PTPRM: variants seen among roughly 807,000 people sequenced by gnomAD.
PTPRM encodes the protein receptor-type tyrosine-protein phosphatase mu.
In PTPRM, 47 loss-of-function variants were observed where a neutral mutation model predicts 186.7. That is an observed-to-expected ratio of 0.25 (90% CI 0.20 to 0.32). The LOEUF is 0.32. Ranked by LOEUF, PTPRM falls within the 10% of genes least tolerant of loss-of-function variation. PTPRM has a pLI of 1.00. For missense variants in PTPRM, 1,494 were observed against 1,865.0 expected (o/e 0.80, Z 3.66); for synonymous variants, 668 against 674.9 (o/e 0.99, Z 0.16).
At chr18:8,296,308 C>A in intron 19 of PTPRM, 60 bp from the exon 20 acceptor site, 1 of 1,062,680 alleles carries the variant, frequency 9.4e-7, no homozygotes, top group South Asian at 1.3e-5. Flanking sequence ...CATCCTCCAT[C>A]GTTAAGATCC....
intron 1 of PTPRM, among the ~76,000 whole-genome samples, chr18:7,606,196 G>C (rs1487947340): frequency 1.3e-5 from 2 of 152,068 alleles, no homozygotes; most frequent in African/African-American, 4.8e-5. Context: ...CTCGTGAATA[G>C]TTTAAAGCTA....
At chr18:8,267,601 A>G (rs891743818) in intron 19 of PTPRM, among the ~76,000 whole-genome samples, 2 of 152,186 alleles carry the variant, frequency 1.3e-5, no homozygotes, top group South Asian at 2.1e-4. Flanking sequence ...ACTGCTATAA[A>G]TAACTCTTAA....
chr18:8,294,748 G>A (rs1330515535), intron 19 of PTPRM, among the ~76,000 whole-genome samples: 9 of 152,186 alleles, frequency 5.9e-5, no homozygotes, highest in East Asian at 1.9e-4. Context: ...CTATGATCAC[G>A]ACTAAGGGAC....
chr18:7,636,377 G>T (rs1393220683), intron 1 of PTPRM, among the ~76,000 whole-genome samples: 2 of 152,152 alleles, frequency 1.3e-5, no homozygotes, highest in Admixed American at 6.6e-5. Flanking sequence ...GCCATTTTCA[G>T]ATCTATGAGT....
intron 14 of PTPRM, among the ~76,000 whole-genome samples, chr18:8,205,049 A>G (rs1462955647): frequency 6.6e-6 from 1 of 152,236 alleles, no homozygotes; most frequent in African/African-American, 2.4e-5. Context: ...TTGTGTGGCT[A>G]AATGATTTCA....
chr18:7,892,729 T>C, intron 3 of PTPRM, among the ~76,000 whole-genome samples: 1 of 152,202 alleles, frequency 6.6e-6, no homozygotes, highest in Non-Finnish European at 1.5e-5. Context: ...CTCACATTTC[T>C]AGTTTGAGAA....
chr18:7,688,166 T>C (rs1475830350), intron 1 of PTPRM, among the ~76,000 whole-genome samples: 1 of 152,180 alleles, frequency 6.6e-6, no homozygotes, highest in Non-Finnish European at 1.5e-5. Context: ...CACTCTCACG[T>C]ATCTGCTAGT....
chr18:8,196,283 G>T (rs2093776964), intron 14 of PTPRM, among the ~76,000 whole-genome samples: 1 of 152,180 alleles, frequency 6.6e-6, no homozygotes, highest in East Asian at 1.9e-4. Flanking sequence ...ATCAGGAAAA[G>T]GTCATCACTA....
intron 13 of PTPRM, chr18:8,122,060 A>G (rs1451707387): frequency 6.6e-6 from 1 of 152,230 alleles, no homozygotes; most frequent in Non-Finnish European, 1.5e-5. Flanking sequence ...AAGGGAAAAG[A>G]ATTCAGAATA....
intron 14 of PTPRM, among the ~76,000 whole-genome samples, chr18:8,238,686 C>A (rs1186573446): frequency 1.7e-5 from 1 of 57,536 alleles, no homozygotes; most frequent in African/African-American, 6.1e-5. Context: ...TTTTTTTTTG[C>A]GAAGCTACAC....
At chr18:7,899,260 G>C (rs1599373001) in intron 3 of PTPRM, among the ~76,000 whole-genome samples, 1 of 152,170 alleles carries the variant, frequency 6.6e-6, no homozygotes, top group African/African-American at 2.4e-5. Flanking sequence ...CTGAAACAAG[G>C]CGACAGAACA....
chr18:8,277,175 G>A (rs1028113279), intron 19 of PTPRM, among the ~76,000 whole-genome samples: 1 of 152,098 alleles, frequency 6.6e-6, no homozygotes, highest in Non-Finnish European at 1.5e-5. Context: ...GGCCTCAAGT[G>A]AGCCACCCAT....
chr18:7,774,116 A>G, intron 1 of PTPRM, 33 bp from the exon 2 acceptor site: 1 of 1,585,474 alleles, frequency 6.3e-7, no homozygotes. Context: ...TCTGGTTGGT[A>G]TTTACATTAC....
chr18:7,841,015 A>G (rs559688277), intron 2 of PTPRM, among the ~76,000 whole-genome samples: 1 of 152,302 alleles, frequency 6.6e-6, no homozygotes, highest in Non-Finnish European at 1.5e-5. Context: ...CTATGTGCAA[A>G]AATCAGGCTC....
chr18:8,380,308 C>T lies in PTPRM; in HGVS notation c.3799C>T (p.Pro1267Ser), dbSNP rs2095724794. 3.1e-6 allele frequency: 5 copies of T among 1,613,510 alleles called. No homozygotes were observed. Among genetic ancestry groups the T allele is most frequent in the Non-Finnish European group, 4.2e-6 (5 of 1,179,546 alleles). Residue 1267 changes from proline to serine, a missense_variant, in exon 29 of 33, where the codon CCT becomes TCT. Coordinates refer to ENST00000580170, the MANE Select transcript of PTPRM (RefSeq NM_001105244.2). ...NAALMDSYKQ[P>S]SAFIVTQHPL... The stretch of plus-strand genomic sequence containing the variant: ...TTTGTGTTTGCAGAGCTATAAACAG[C>T]CTTCAGCTTTTATAGTCACCCAGCA...
chr18:7,672,554 T>G (rs2039242054), intron 1 of PTPRM, among the ~76,000 whole-genome samples: 1 of 152,062 alleles, frequency 6.6e-6, no homozygotes. Flanking sequence ...CAAACCACAT[T>G]TTAAAGAATA....
intron 1 of PTPRM, among the ~76,000 whole-genome samples, chr18:7,585,764 G>A (rs569954439): frequency 3.3e-5 from 5 of 152,268 alleles, no homozygotes; most frequent in East Asian, 1.9e-4. Context: ...TGGCCAGGCC[G>A]CTTGTCATCG....
In PTPRM at chr18:7,865,019, A is replaced by C. The variant is rs150711853; in HGVS notation, c.197-23087A>C. Among the ~76,000 whole-genome samples the C allele has an allele frequency of 1.6e-3, 242 of 152,262 alleles. 1 individual carries two copies. The highest frequency in any genetic ancestry group is 5.6e-3 in the African/African-American group (231 of 41,552). The stretch of plus-strand genomic sequence containing the variant: ...TGTTTGTCTATTATTGGTGCATAGG[A>C]ATGCTTGTGATTTTTGCACATTGAT... On this transcript the variant is annotated intron_variant, in intron 2 of 32. Transcript: ENST00000580170.
intron 5 of PTPRM, among the ~76,000 whole-genome samples, chr18:7,932,960 A>G (rs942590266): frequency 6.6e-6 from 1 of 152,234 alleles, no homozygotes; most frequent in Admixed American, 6.5e-5. Context: ...AATTCCAGGA[A>G]TAAACAATTC....
Sources: allele counts gnomAD v4.1 joint callset (sites outside exome capture counted in the v4.1 genomes callset), GRCh38; gene constraint gnomAD v4.1.1; transcripts MANE v1.5; gene names NCBI Gene and HGNC (gene_info 2026-07-23, HGNC 2026-07-21).